Variants in MON1B observed in about 807,000 individuals in gnomAD.
The protein encoded by MON1B is vacuolar fusion protein MON1 homolog B.
MON1B carries 26 observed loss-of-function variants against 45.1 expected under a neutral mutation model. The ratio of observed to expected loss-of-function variants is 0.58; its 90% confidence interval spans 0.42 to 0.80. The LOEUF (loss-of-function observed/expected upper bound fraction) is 0.80, where lower values mean the gene tolerates loss of function less well. Among genes scored for constraint, MON1B ranks in the 30% least tolerant of loss-of-function variants. MON1B has a pLI of 0.00. For missense variants in MON1B, 737 were observed against 754.5 expected, an observed-to-expected ratio of 0.98 and a Z score of 0.27; for synonymous variants, 395 against 320.2, an observed-to-expected ratio of 1.23 and a Z score of -2.49.
At position 77,194,171 on chromosome 16, in the gene MON1B, G is replaced by C. The variant is rs865981117; in HGVS notation, c.476-164G>C. ...CCCATCATGTCTCTGCAAATGTCCA[G>C]ATTCCTCCAGCTTGTCCTTACCCCA... On this transcript the variant is annotated intron_variant, in intron 3 of 5. Coordinates refer to ENST00000248248, the MANE Select transcript of MON1B (RefSeq NM_014940.4). The surrounding 1 kb of genome is among the most constrained non-coding windows in gnomAD (Gnocchi z 8.1). The C allele has an allele frequency of 1.4e-6, 1 of 718,644 alleles. No homozygotes were observed. The allele number at this position is 718,644 out of a possible 1,614,324, so 44.5% of individuals were successfully genotyped here.
chr16:77,191,698 A>G (rs1249673014), intron 2 of MON1B, 65 bp downstream of exon 2: 13 of 1,515,106 alleles, frequency 8.6e-6, no homozygotes, highest in Non-Finnish European at 7.9e-6. Context: ...GGACGGGGGA[A>G]GGGTCAGTGG....
chr16:77,197,351 G>A (rs531573126), intron 5 of MON1B, among the ~76,000 whole-genome samples: 102 of 152,252 alleles, frequency 6.7e-4, no homozygotes, highest in Non-Finnish European at 1.2e-3. Context: ...AGCCGAGACC[G>A]TGCCACTGCA....
Position 77,201,803 on chromosome 16 carries a change from A to C in MON1B, c.*3495A>C, listed in dbSNP as rs2054746298. 1 of 152,196 alleles carries C rather than the reference A, an allele frequency of 6.6e-6. No individual in the cohort carries two copies. Among genetic ancestry groups the C allele is most frequent in the South Asian group, 2.1e-4 (1 of 4,832 alleles). The allele number at this position is 152,196 out of a possible 1,614,324, so 9.4% of individuals were successfully genotyped here. On this transcript the variant is annotated 3_prime_UTR_variant, in exon 6 of 6. Coordinates refer to ENST00000248248, the MANE Select transcript of MON1B (RefSeq NM_014940.4). ...TAAATGTATTAAATTATAAGTTCTA[A>C]TTTAAATGTATTAAAATTAAATTAT...
At position 77,191,653 on chromosome 16, in the gene MON1B, G is replaced by T; in HGVS notation, c.148+20G>T. ...AAACAGGTATGACTCCACTTAGTGG[G>T]GTCTTAAAAGGAATCCTTAGGGGTT... is the stretch of plus-strand genomic sequence containing the variant. On this transcript the variant is annotated intron_variant, in intron 2 of 5. Transcript: ENST00000248248. 1 of 1,602,094 alleles carries T rather than the reference G, an allele frequency of 6.2e-7. No homozygotes were observed. The highest frequency in any genetic ancestry group is 8.5e-7 in the Non-Finnish European group (1 of 1,174,904).
At position 77,194,014 on chromosome 16, in the gene MON1B, A is replaced by G. The variant is rs1049714165; in HGVS notation, c.475+237A>G. ...GTGACTAGCTGGATACTTCTGTGTC[A>G]CCTGAGAGGATAACTGTGGGGGCTG... is the stretch of plus-strand genomic sequence containing the variant. On this transcript the variant is annotated intron_variant, in intron 3 of 5. Coordinates refer to ENST00000248248, the MANE Select transcript of MON1B (RefSeq NM_014940.4). This position sits in a 1 kb window ranked among gnomAD's most constrained non-coding sequence, Gnocchi z 8.1. The G allele has an allele frequency of 1.3e-5, 8 of 601,768 alleles. No individual in the cohort carries two copies. The Admixed American group carries it at 2.4e-4, about 18-fold the overall frequency. 37.3% of individuals were successfully genotyped at this position (601,768 alleles called of 1,614,324 possible).
chr16:77,200,077 A>T lies in MON1B; in HGVS notation c.*1769A>T, dbSNP rs1172561715. 6.6e-6 allele frequency: 1 copy of T among 151,852 alleles called. No individual in the cohort carries two copies. The highest frequency in any genetic ancestry group is 6.6e-5 in the Admixed American group (1 of 15,236). 9.4% of individuals were successfully genotyped at this position (151,852 alleles called of 1,614,324 possible). On this transcript the variant is annotated 3_prime_UTR_variant, in exon 6 of 6. Transcript: ENST00000248248. ...CCGGGCACGGAGGCTCACGCCTGTAATCCCAGCACTTTGGGAGGCCGAGGC... is the reference window on the plus strand; with the variant it reads ...CCGGGCACGGAGGCTCACGCCTGTATTCCCAGCACTTTGGGAGGCCGAGGC...
In MON1B at chr16:77,191,551, G is replaced by A. The variant is rs1348640303; in HGVS notation, c.66G>A (p.Gln22=). 6.2e-7 allele frequency: 1 copy of A among 1,609,096 alleles called. No homozygotes were observed. Among genetic ancestry groups the A allele is most frequent in the Non-Finnish European group, 8.5e-7 (1 of 1,178,720 alleles). Reference sequence around the variant, plus strand: ...GCGCGGAGGACTTGGAGGACACGCAGTTCCCCAGTGAGGAAGCTAGAGAAG... The same window carrying A: ...GCGCGGAGGACTTGGAGGACACGCAATTCCCCAGTGAGGAAGCTAGAGAAG... ...PGGAEDLEDT[Q]FPSEEAREGG... The change falls in exon 2 of 6, where the codon CAG becomes CAA. Residue 22 remains glutamine (Q), a synonymous_variant. Transcript: ENST00000248248.
chr16:77,195,684 T>C lies in MON1B; in HGVS notation c.1443+2T>C, dbSNP rs2054658527. The C allele has an allele frequency of 1.2e-6, 2 of 1,613,978 alleles. No individual in the cohort carries two copies. The highest frequency in any genetic ancestry group is 1.7e-6 in the Non-Finnish European group (2 of 1,179,958). On this transcript the variant is annotated splice_donor_variant, in intron 5 of 5. Coordinates refer to ENST00000248248, the MANE Select transcript of MON1B (RefSeq NM_014940.4). LOFTEE classifies it high-confidence loss of function. ...GAGAAGGAGACACTACTGGCCTGGGTAAGTTGGGCAGGGCTCTGAGTGAAT... is the reference window on the plus strand; with the variant it reads ...GAGAAGGAGACACTACTGGCCTGGGCAAGTTGGGCAGGGCTCTGAGTGAAT...
chr16:77,191,409 T>C, intron 1 of MON1B, 67 bp from the exon 2 acceptor site: 1 of 1,580,208 alleles, frequency 6.3e-7, no homozygotes, highest in Non-Finnish European at 8.6e-7. Flanking sequence ...CAAGGGGGCC[T>C]GACTCTATAA....
intron 5 of MON1B, among the ~76,000 whole-genome samples, chr16:77,197,364 C>T (rs749225260): frequency 6.6e-6 from 1 of 152,088 alleles, no homozygotes; most frequent in Non-Finnish European, 1.5e-5. Flanking sequence ...CCACTGCACT[C>T]CAGCCTGGGT....
Position 77,199,299 on chromosome 16 carries a change from T to A in MON1B, c.*991T>A. Reference sequence around the variant, plus strand: ...TGTGTGCTGGCAATCAGGGCCGCAGTGTGTTCTGCGCCTGCCCAGAGCTGA... The same window carrying A: ...TGTGTGCTGGCAATCAGGGCCGCAGAGTGTTCTGCGCCTGCCCAGAGCTGA... On this transcript the variant is annotated 3_prime_UTR_variant, in exon 6 of 6. Coordinates refer to ENST00000248248, the MANE Select transcript of MON1B (RefSeq NM_014940.4). 1 of 669,146 alleles carries A rather than the reference T, an allele frequency of 1.5e-6. No homozygotes were observed. Among genetic ancestry groups the A allele is most frequent in the South Asian group, 1.9e-5 (1 of 51,460 alleles). The allele number at this position is 669,146 out of a possible 1,614,324, so 41.5% of individuals were successfully genotyped here.
rs538990690 is a variant in MON1B, at chr16:77,202,075, G to T, written c.*3767G>T. On this transcript the variant is annotated 3_prime_UTR_variant, in exon 6 of 6. Transcript: ENST00000248248. ...GTTCTATTTTTTCTTCTAGAAAAAT[G>T]TAAGTAGTCATATATAATTTTAAAA... 32 of 152,300 alleles carry T rather than the reference G, an allele frequency of 2.1e-4. No homozygotes were observed. Among genetic ancestry groups the T allele is most frequent in the African/African-American group, 7.5e-4 (31 of 41,558 alleles). 9.4% of individuals were successfully genotyped at this position (152,300 alleles called of 1,614,324 possible).
Position 77,191,536 on chromosome 16 carries a change from C to G in MON1B, c.51C>G (p.Asp17Glu), listed in dbSNP as rs746795614. The G allele has an allele frequency of 1.2e-6, 2 of 1,609,930 alleles. No homozygotes were observed. The highest frequency in any genetic ancestry group is 1.7e-5 in the Admixed American group (1 of 58,314). The stretch of plus-strand genomic sequence containing the variant: ...CCCCGGCCCCCGGGGGCGCGGAGGA[C>G]TTGGAGGACACGCAGTTCCCCAGTG... ...TAAPAPGGAEDLEDTQFPSEE... is the reference protein window; with the variant it reads ...TAAPAPGGAEELEDTQFPSEE... Residue 17 changes from aspartate to glutamate, a missense_variant, in exon 2 of 6, where the codon GAC becomes GAG. By Grantham distance (45) the Asp-to-Glu change is conservative (BLOSUM62 2). Transcript: ENST00000248248.
chr16:77,195,177 C>G lies in MON1B; in HGVS notation c.1295+23C>G, dbSNP rs1382244359. ...CAGGTAGGCCCTGACCCTAAGGCAA[C>G]TGGCTGGGTGGGAAGGCCTGTCAAA... On this transcript the variant is annotated intron_variant, in intron 4 of 5. Transcript: ENST00000248248. 2.6e-6 allele frequency: 4 copies of G among 1,521,126 alleles called. No individual in the cohort carries two copies. In the African/African-American group the frequency reaches 5.5e-5, roughly 21 times the overall value. 94.2% of individuals were successfully genotyped at this position (1,521,126 alleles called of 1,614,324 possible). A position where few individuals can be genotyped will look rare whatever the true frequency, so the allele number is the denominator to read the frequency against.
rs2054655439 is a variant in MON1B, at chr16:77,195,426, A to C, written c.1296-109A>C. 2.2e-6 allele frequency: 3 copies of C among 1,342,796 alleles called. No individual in the cohort carries two copies. In the East Asian group the frequency reaches 7.6e-5, roughly 34 times the overall value. 83.2% of individuals were successfully genotyped at this position (1,342,796 alleles called of 1,614,324 possible). On this transcript the variant is annotated intron_variant, in intron 4 of 5. Transcript: ENST00000248248. ...CCTGAGAATCCTCAAGTCTCATGGG[A>C]GAGGCTCAGCTCCCTAACTTCATTG...
Position 77,195,107 on chromosome 16 carries a change from G to A in MON1B, c.1248G>A (p.Lys416=), listed in dbSNP as rs1345160219. The part of the protein sequence containing the change: ...GAPGLRHFLY[K]PLDIPDHHRQ... ...CGGGCCTCCGGCACTTCCTGTATAA[G>A]CCGCTGGACATCCCTGACCACCACC... The change falls in exon 4 of 6, where the codon AAG becomes AAA. Residue 416 remains lysine, a synonymous_variant. Coordinates refer to ENST00000248248, the MANE Select transcript of MON1B (RefSeq NM_014940.4). 1 of 1,600,542 alleles carries A rather than the reference G, an allele frequency of 6.2e-7. No homozygotes were observed. Among genetic ancestry groups the A allele is most frequent in the South Asian group, 1.1e-5 (1 of 90,840 alleles).
chr16:77,197,989 G>A, intron 5 of MON1B, 119 bp from the exon 6 acceptor site: 3 of 979,436 alleles, frequency 3.1e-6, no homozygotes, highest in Non-Finnish European at 4.7e-6. Flanking sequence ...CCTGGTAGGA[G>A]GTGCTGCCAG....
chr16:77,200,788 C>T lies in MON1B; in HGVS notation c.*2480C>T, dbSNP rs188150959. ...AAAGAAAAAACAAAAAGAAAAAAAT[C>T]TCCCAAGGCAGTCATGCATTTGTAT... On this transcript the variant is annotated 3_prime_UTR_variant, in exon 6 of 6. Transcript: ENST00000248248. The T allele has an allele frequency of 4.2e-5, 6 of 144,304 alleles. No homozygotes were observed. Among genetic ancestry groups the T allele is most frequent in the African/African-American group, 1.5e-4 (6 of 40,308 alleles). The allele number at this position is 144,304 out of a possible 1,614,324, so 8.9% of individuals were successfully genotyped here.
intron 4 of MON1B, 76 bp from the exon 5 acceptor site, chr16:77,195,459 T>C (rs2054655742): frequency 6.7e-7 from 1 of 1,484,534 alleles, no homozygotes; most frequent in Non-Finnish European, 9.0e-7. Flanking sequence ...TTGAAATCTC[T>C]AGACTGAGGG....
Sources: gnomAD v4.1 joint callset for allele counts (sites outside exome capture counted in the v4.1 genomes callset) on GRCh38, gnomAD v4.1.1 for gene constraint, Gnocchi (gnomAD v3.1) non-coding constraint, MANE v1.5 for transcripts, NCBI Gene and HGNC (gene_info 2026-07-23, HGNC 2026-07-21) for gene names.